Variants in ATXN2 observed in about 807,000 individuals in gnomAD.
ATXN2 encodes ataxin-2.
ATXN2 carries 37 observed loss-of-function variants against 138.6 expected under a neutral mutation model. The ratio of observed to expected loss-of-function variants is 0.27; its 90% CI spans 0.21 to 0.35. ATXN2 has a LOEUF of 0.35. Ranked by LOEUF, ATXN2 falls within the 10% of genes least tolerant of loss-of-function variation. The probability of loss-of-function intolerance (pLI) is 1.00; values close to 1 mark genes in which losing one functional copy is unlikely to be tolerated. For synonymous variants in ATXN2, 549 were observed against 543.7 expected (o/e 1.01, Z -0.13); for missense variants, 1,216 against 1,480.3 (o/e 0.82, Z 2.93).
chr12:111,544,853 T>C (rs1172187818), intron 5 of ATXN2, among the ~76,000 whole-genome samples: 1 of 152,154 alleles, frequency 6.6e-6, no homozygotes, highest in Non-Finnish European at 1.5e-5. Context: ...GCTAGAAGAA[T>C]TCAGGATTAA....
At chr12:111,489,506 G>C (rs11065924) in intron 14 of ATXN2, among the ~76,000 whole-genome samples, 15,533 of 152,012 alleles carry the variant, frequency 0.1, 2,660 homozygotes, top group African/African-American at 0.35. Context: ...CCTGCTACTC[G>C]GGAGGCTGAG....
Position 111,453,030 on chromosome 12 carries a change from C to G in ATXN2, c.3440-190G>C, listed in dbSNP as rs543306481. On this transcript the variant is annotated intron_variant, in intron 24 of 24. Coordinates refer to ENST00000673436, the MANE Select transcript of ATXN2 (RefSeq NM_001372574.1). The surrounding 1 kb of genome is among the most constrained non-coding windows in gnomAD (Gnocchi z 5.4). ...GGTGGGTGGGTAGAAACAAACCAGT[C>G]AGACGTAAAACCACTTCAGATAAAA... 6 of 1,313,658 alleles carry G rather than the reference C, an allele frequency of 4.6e-6. No individual in the cohort carries two copies. The African/African-American group carries it at 6.0e-5, about 13-fold the overall frequency. The allele number at this position is 1,313,658 out of a possible 1,614,324, so 81.4% of individuals were successfully genotyped here.
At position 111,453,040 on chromosome 12, in the gene ATXN2, A is replaced by G; in HGVS notation, c.3440-200T>C. The G allele has an allele frequency of 7.7e-7, 1 of 1,300,242 alleles. No individual in the cohort carries two copies. Among genetic ancestry groups the G allele is most frequent in the East Asian group, 3.0e-5 (1 of 33,596 alleles). 80.5% of individuals were successfully genotyped at this position (1,300,242 alleles called of 1,614,324 possible). On this transcript the variant is annotated intron_variant, in intron 24 of 24. Transcript: ENST00000673436. This position sits in a 1 kb window ranked among gnomAD's most constrained non-coding sequence, Gnocchi z 5.4. ...TAGAAACAAACCAGTCAGACGTAAAACCACTTCAGATAAAACTCCCAGAAG... is the reference window on the plus strand; with the variant it reads ...TAGAAACAAACCAGTCAGACGTAAAGCCACTTCAGATAAAACTCCCAGAAG...
intron 1 of ATXN2, among the ~76,000 whole-genome samples, chr12:111,564,028 C>T (rs186217251): frequency 1.4e-3 from 220 of 152,222 alleles, no homozygotes; most frequent in African/African-American, 5.1e-3. Flanking sequence ...GTCATAGCCC[C>T]ACATTAGACA....
At chr12:111,584,370 C>G (rs913854684) in intron 1 of ATXN2, among the ~76,000 whole-genome samples, 2 of 82,578 alleles carry the variant, frequency 2.4e-5, no homozygotes, top group Non-Finnish European at 4.3e-5. Flanking sequence ...TGACAGAGAC[C>G]CTGTCTCAAA....
rs1428315521 is a variant in ATXN2, at chr12:111,510,453, G to T, written c.1688C>A (p.Pro563His). Residue 563 changes from proline (P) to histidine (H), a missense_variant, in exon 12 of 25, where the codon CCT becomes CAT. Transcript: ENST00000673436. The stretch of plus-strand genomic sequence containing the variant: ...AGGCGTAGGAGATGCAGCTGGAATA[G>T]GCATGGCAACAGCTTCAGTTGGAAT... ...GIIPTEAVAM[P>H]IPAASPTPAS... The T allele has an allele frequency of 5.0e-6, 8 of 1,614,036 alleles. No homozygotes were observed. The African/African-American group carries it at 5.3e-5, about 11-fold the overall frequency.
intron 1 of ATXN2, 82 bp from the exon 2 acceptor site, chr12:111,556,001 C>T (rs1462436637): frequency 8.6e-6 from 10 of 1,156,238 alleles, no homozygotes; most frequent in Non-Finnish European, 1.2e-5. Flanking sequence ...AATATAATTC[C>T]ATTCAAATAA....
chr12:111,452,547 T>C lies in ATXN2; in HGVS notation c.*265A>G. The C allele has an allele frequency of 2.5e-6, 1 of 407,290 alleles. No homozygotes were observed. The highest frequency in any genetic ancestry group is 5.0e-5 in the South Asian group (1 of 19,874). 25.2% of individuals were successfully genotyped at this position (407,290 alleles called of 1,614,324 possible). ...TATTAAAAAATAAATAACTTCCAGT[T>C]TCGGCAAGCAGAGCTGGGGTACCTG... On this transcript the variant is annotated 3_prime_UTR_variant, in exon 25 of 25. Coordinates refer to ENST00000673436, the MANE Select transcript of ATXN2 (RefSeq NM_001372574.1).
chr12:111,519,727 T>C (rs764282735), intron 8 of ATXN2, 152 bp downstream of exon 8: 2 of 1,368,878 alleles, frequency 1.5e-6, no homozygotes, highest in Non-Finnish European at 2.0e-6. Flanking sequence ...AAGATCACCA[T>C]AACCTTTTCT....
At chr12:111,561,479 A>C (rs1231573655) in intron 1 of ATXN2, among the ~76,000 whole-genome samples, 1 of 152,134 alleles carries the variant, frequency 6.6e-6, no homozygotes, top group African/African-American at 2.4e-5. Context: ...CAGCTTGGGC[A>C]ACAAGAGCAA....
At chr12:111,547,071 T>G (rs1881834037) in intron 5 of ATXN2, among the ~76,000 whole-genome samples, 1 of 152,246 alleles carries the variant, frequency 6.6e-6, no homozygotes, top group Non-Finnish European at 1.5e-5. Flanking sequence ...TTTTAAACTT[T>G]ATTGAAATCA....
intron 1 of ATXN2, chr12:111,581,674 T>G (rs1412877815): frequency 1.4e-6 from 1 of 704,302 alleles, no homozygotes; most frequent in African/African-American, 1.8e-5. Flanking sequence ...CCCAGGCCTA[T>G]GCCTTTACCG....
intron 14 of ATXN2, among the ~76,000 whole-genome samples, chr12:111,495,047 T>G (rs1878322844): frequency 6.6e-6 from 1 of 152,172 alleles, no homozygotes; most frequent in African/African-American, 2.4e-5. Context: ...GGCTCACGCC[T>G]GTAATCCCAG....
intron 14 of ATXN2, among the ~76,000 whole-genome samples, chr12:111,493,418 C>CAAAAAAA (rs59185968): frequency 0.012 from 568 of 45,614 alleles, 78 homozygotes; most frequent in African/African-American, 0.053. Flanking sequence ...GACTCTGTCT[C>CAAAAAAA]AAAAAAAAAA....
At chr12:111,584,790 A>G (rs954003988) in intron 1 of ATXN2, among the ~76,000 whole-genome samples, 7 of 151,734 alleles carry the variant, frequency 4.6e-5, no homozygotes, top group Non-Finnish European at 8.8e-5. Flanking sequence ...ACATGGAGAA[A>G]CCCCATCTCT....
intron 11 of ATXN2, chr12:111,513,085 AT>A (rs2135733247): frequency 2.6e-6 from 1 of 388,096 alleles, no homozygotes; most frequent in East Asian, 6.1e-5. Flanking sequence ...TAGGAATCTC[AT>A]CACAATCCCA....
intron 18 of ATXN2, among the ~76,000 whole-genome samples, chr12:111,473,460 G>C (rs111281565): frequency 7.2e-5 from 11 of 152,160 alleles, no homozygotes; most frequent in African/African-American, 2.7e-4. Context: ...CTATACCTCA[G>C]GGTAACCAAA....
chr12:111,481,810 C>G (rs1268871884), intron 18 of ATXN2, among the ~76,000 whole-genome samples: 1 of 151,880 alleles, frequency 6.6e-6, no homozygotes, highest in Non-Finnish European at 1.5e-5. Context: ...TATAGGTGCA[C>G]GCTACCATGC....
At chr12:111,587,660 A>T (rs1458060147) in intron 1 of ATXN2, among the ~76,000 whole-genome samples, 1 of 151,984 alleles carries the variant, frequency 6.6e-6, no homozygotes, top group Non-Finnish European at 1.5e-5. Flanking sequence ...AGTCTCAAAA[A>T]AAAGGAAATT....
Sources: gnomAD v4.1 joint callset for allele counts (sites outside exome capture counted in the v4.1 genomes callset) on GRCh38, gnomAD v4.1.1 for gene constraint, Gnocchi (gnomAD v3.1) non-coding constraint, MANE v1.5 for transcripts, NCBI Gene and HGNC (gene_info 2026-07-23, HGNC 2026-07-21) for gene names.